Variants in ACTR3C observed in about 807,000 individuals in gnomAD.
The protein encoded by ACTR3C is actin related protein 3C, also known as actin-related protein 3C.
In ACTR3C, 18 loss-of-function variants were observed where a neutral mutation model predicts 26.3. The observed-to-expected ratio is 0.68, with a 90% CI of 0.47 to 1.01. ACTR3C has a LOEUF of 1.01. ACTR3C is among the 50% of genes least tolerant of loss of function. The pLI, the probability that ACTR3C is intolerant of heterozygous loss-of-function variation, is 0.00. For synonymous variants in ACTR3C, 55 were observed against 94.5 expected, an observed-to-expected ratio of 0.58 and a Z score of 2.42; for missense variants, 184 against 250.7, an observed-to-expected ratio of 0.73 and a Z score of 1.80.
chr7:150,182,049 C>T, the ACTR3C span, among the ~76,000 whole-genome samples: 2 of 150,516 alleles, frequency 1.3e-5, no homozygotes, highest in African/African-American at 2.5e-5. Flanking sequence ...TAGTGAGAGA[C>T]TGGGGTTTGT....
chr7:150,051,307 T>C, the ACTR3C span, among the ~76,000 whole-genome samples: 4 of 150,886 alleles, frequency 2.7e-5, no homozygotes, highest in African/African-American at 9.7e-5. Context: ...TGGCAAGCTA[T>C]GGCATGTTAT....
chr7:150,021,668 G>T, the ACTR3C span, among the ~76,000 whole-genome samples: 1 of 133,744 alleles, frequency 7.5e-6, no homozygotes, highest in Non-Finnish European at 1.6e-5. Context: ...TCATTCTTAT[G>T]CCTTTGCACC....
At chr7:150,017,319 C>A in the ACTR3C span, among the ~76,000 whole-genome samples, 4 of 151,656 alleles carry the variant, frequency 2.6e-5, no homozygotes, top group Non-Finnish European at 4.4e-5. Context: ...GTATTTGGTG[C>A]CTTTCTTAAA....
chr7:149,985,319 A>C, the ACTR3C span, among the ~76,000 whole-genome samples: 1 of 151,920 alleles, frequency 6.6e-6, no homozygotes, highest in African/African-American at 2.4e-5. Flanking sequence ...AAAATAACTA[A>C]AATAAATATT....
chr7:150,093,649 T>A, the ACTR3C span, among the ~76,000 whole-genome samples: 1 of 150,834 alleles, frequency 6.6e-6, no homozygotes. Context: ...CTAGGCTCTG[T>A]ACACAGCCAC....
At chr7:150,039,780 G>A in the ACTR3C span, among the ~76,000 whole-genome samples, 1 of 136,552 alleles carries the variant, frequency 7.3e-6, no homozygotes, top group African/African-American at 2.7e-5. Flanking sequence ...CAGAGCCAGG[G>A]GGGGAAGAGG....
the ACTR3C span, among the ~76,000 whole-genome samples, chr7:150,170,582 G>C: frequency 2.0e-5 from 3 of 150,722 alleles, no homozygotes; most frequent in Non-Finnish European, 4.4e-5. Flanking sequence ...CAGAGATCAG[G>C]TTGGTAACAT....
the ACTR3C span, among the ~76,000 whole-genome samples, chr7:150,219,404 AT>A: frequency 6.8e-6 from 1 of 147,440 alleles, no homozygotes; most frequent in South Asian, 2.1e-4. Context: ...AAATATATAA[AT>A]ATTCGAAAAT....
At chr7:150,122,709 A>G in the ACTR3C span, among the ~76,000 whole-genome samples, 1 of 152,214 alleles carries the variant, frequency 6.6e-6, no homozygotes, top group African/African-American at 2.4e-5. Context: ...AACTAGAAAT[A>G]TCACTTGACC....
chr7:150,134,909 C>A, the ACTR3C span, among the ~76,000 whole-genome samples: 1 of 152,196 alleles, frequency 6.6e-6, no homozygotes, highest in Non-Finnish European at 1.5e-5. Context: ...CATCTGAAAG[C>A]AGGTAACTTT....
At chr7:150,161,222 A>ATATATT in the ACTR3C span, among the ~76,000 whole-genome samples, 6 of 120,392 alleles carry the variant, frequency 5.0e-5, no homozygotes, top group Non-Finnish European at 8.5e-5. Flanking sequence ...ATATATATAT[A>ATATATT]TATTTATTAT....
chr7:149,893,185 C>T, the ACTR3C span, among the ~76,000 whole-genome samples: 5 of 152,166 alleles, frequency 3.3e-5, no homozygotes, highest in African/African-American at 1.2e-4. Context: ...TATTTTCATC[C>T]ATCAGGTCTC....
chr7:149,949,559 A>T, the ACTR3C span, among the ~76,000 whole-genome samples: 1 of 147,934 alleles, frequency 6.8e-6, no homozygotes, highest in Non-Finnish European at 1.5e-5. Flanking sequence ...ATCCACAGGA[A>T]GACAAAGAAA....
At chr7:150,019,291 G>A in the ACTR3C span, among the ~76,000 whole-genome samples, 12 of 150,280 alleles carry the variant, frequency 8.0e-5, no homozygotes, top group East Asian at 2.3e-3. Flanking sequence ...AATAACAGAA[G>A]AATTATATCT....
At chr7:149,945,819 C>T in the ACTR3C span, among the ~76,000 whole-genome samples, 5 of 152,206 alleles carry the variant, frequency 3.3e-5, no homozygotes, top group African/African-American at 1.2e-4. Context: ...CCTTGCTATG[C>T]ACGGACAGTG....
chr7:150,180,716 T>C, the ACTR3C span, among the ~76,000 whole-genome samples: 1 of 149,260 alleles, frequency 6.7e-6, no homozygotes, highest in African/African-American at 2.6e-5. Context: ...TTTCACGTGT[T>C]AGCCAGGATG....
Position 150,295,737 on chromosome 7 carries a change from G to A in ACTR3C, c.-51-390C>T, listed in dbSNP as rs1354833634. On this transcript the variant is annotated intron_variant, in intron 1 of 7. Transcript: ENST00000683684. Reference sequence around the variant, plus strand: ...GGCGAACCGGTGACTTCAGGTCTCAGCAAAGGAGAGCCAGAGGAGCAGCAG... The same window carrying A: ...GGCGAACCGGTGACTTCAGGTCTCAACAAAGGAGAGCCAGAGGAGCAGCAG... Among the ~76,000 whole-genome samples, 11 of 149,822 alleles carry A rather than the reference G, an allele frequency of 7.3e-5. No individual in the cohort carries two copies. In the East Asian group the frequency reaches 2.1e-3, roughly 29 times the overall value.
the ACTR3C span, among the ~76,000 whole-genome samples, chr7:149,932,307 G>T: frequency 5.9e-5 from 9 of 152,288 alleles, no homozygotes; most frequent in Admixed American, 3.9e-4. Flanking sequence ...CAGAGTAGAG[G>T]CTGCTGAAGG....
chr7:150,314,939 A>G (rs1392126628), intron 1 of ACTR3C, among the ~76,000 whole-genome samples: 1 of 136,230 alleles, frequency 7.3e-6, no homozygotes, highest in Non-Finnish European at 1.6e-5. Context: ...ATGACAAAGC[A>G]AGACCCAGTT....
Sources: allele counts gnomAD v4.1 joint callset (sites outside exome capture counted in the v4.1 genomes callset), GRCh38; gene constraint gnomAD v4.1.1; transcripts MANE v1.5; gene names NCBI Gene and HGNC (gene_info 2026-07-23, HGNC 2026-07-21).